The following NSMCE1 variants were observed in gnomAD, a reference collection of about 807,000 sequenced individuals.
NSMCE1 encodes non-structural maintenance of chromosomes element 1 homolog.
NSMCE1 carries 18 observed loss-of-function variants against 29.6 expected under a neutral mutation model. The ratio of observed to expected loss-of-function variants is 0.61; its 90% confidence interval spans 0.42 to 0.90. NSMCE1 has a LOEUF of 0.90. NSMCE1 is among the 40% of genes least tolerant of loss of function. The probability of loss-of-function intolerance (pLI) is 0.00; values close to 1 mark genes in which losing one functional copy is unlikely to be tolerated. For missense variants in NSMCE1, 314 were observed against 343.6 expected (o/e 0.91, Z 0.68); for synonymous variants, 124 against 133.4 (o/e 0.93, Z 0.49).
chr16:27,261,074 T>A (rs535325067), intron 1 of NSMCE1, among the ~76,000 whole-genome samples: 1 of 145,636 alleles, frequency 6.9e-6, no homozygotes, highest in Admixed American at 7.1e-5. Flanking sequence ...GGCTGAGGCA[T>A]GAGAATCGCT....
intron 2 of NSMCE1, among the ~76,000 whole-genome samples, chr16:27,236,427 G>A (rs572004373): frequency 2.6e-5 from 4 of 150,998 alleles, no homozygotes; most frequent in Admixed American, 1.3e-4. Context: ...CTCCCGAGGA[G>A]TTGAGATTAC....
chr16:27,245,084 AAAGG>A (rs1436675611), intron 2 of NSMCE1, among the ~76,000 whole-genome samples: 2 of 152,202 alleles, frequency 1.3e-5, no homozygotes, highest in African/African-American at 4.8e-5. Context: ...AAGGGGCAGA[AAAGG>A]AAGGAAGAGG....
rs927652578 is a variant in NSMCE1 at position 27,225,938 on chromosome 16, G to A, written c.601-92C>T. 7 of 1,470,836 alleles carry A rather than the reference G, an allele frequency of 4.8e-6. No homozygotes were observed. The South Asian group carries it at 8.2e-5, about 17-fold the overall frequency. 91.1% of individuals were successfully genotyped at this position (1,470,836 alleles called of 1,614,324 possible). ...AAGCCACAAGGGAAATGGGCAGCAG[G>A]TGGCATCGTGTTATCTTCTGGGCCC... On this transcript the variant is annotated intron_variant, in intron 6 of 7. Transcript: ENST00000361439.
At chr16:27,229,398 G>A (rs976816831) in intron 5 of NSMCE1, among the ~76,000 whole-genome samples, 7 of 152,160 alleles carry the variant, frequency 4.6e-5, no homozygotes, top group Non-Finnish European at 8.8e-5. Context: ...CCATGGGAGC[G>A]GCCACCAGCT....
intron 2 of NSMCE1, among the ~76,000 whole-genome samples, chr16:27,236,172 G>A (rs1420759493): frequency 1.3e-5 from 2 of 152,222 alleles, no homozygotes; most frequent in Admixed American, 6.5e-5. Flanking sequence ...AGGCTGCGGT[G>A]AGGACAGGAG....
intron 2 of NSMCE1, among the ~76,000 whole-genome samples, chr16:27,251,208 A>AT (rs397971855): frequency 6.2e-5 from 7 of 113,658 alleles, no homozygotes; most frequent in East Asian, 2.4e-4. Context: ...ATATATATAT[A>AT]AAACTCTGTA....
intron 5 of NSMCE1, among the ~76,000 whole-genome samples, chr16:27,228,438 C>T (rs990305923): frequency 6.6e-6 from 1 of 152,026 alleles, no homozygotes; most frequent in African/African-American, 2.4e-5. Flanking sequence ...GTTACCTTCC[C>T]CCAAAGCTCC....
At position 27,235,261 on chromosome 16, in the gene NSMCE1, T is replaced by C. The variant is rs755681589; in HGVS notation, c.175A>G (p.Asn59Asp). The change falls in exon 3 of 8, where the codon AAC (asparagine) becomes GAC (aspartate). Residue 59 changes from asparagine (N) to aspartate (D), a missense_variant. Transcript: ENST00000361439. ...TVDKLEDFIN[N>D]INSVLESLYI... ...AAGGACTCCAAGACACTGTTAATGT[T>C]GTTGATGAAGTCCTCCAACTTATCT... 1 of 1,613,690 alleles carries C rather than the reference T, an allele frequency of 6.2e-7. No individual in the cohort carries two copies. The highest frequency in any genetic ancestry group is 2.2e-5 in the East Asian group (1 of 44,870).
In NSMCE1 at chr16:27,245,670, C is replaced by T. The variant is rs373282429; in HGVS notation, c.137-10371G>A. Among the ~76,000 whole-genome samples the T allele has an allele frequency of 2.6e-5, 4 of 152,290 alleles. No individual in the cohort carries two copies. The South Asian group carries it at 6.2e-4, about 24-fold the overall frequency. On this transcript the variant is annotated intron_variant, in intron 2 of 7. Transcript: ENST00000361439. ...TCCTGTCTAAGCACTTAATAACTGCCGGCTGTCAATTCTGTATGTTGAGAA... is the reference window on the plus strand; with the variant it reads ...TCCTGTCTAAGCACTTAATAACTGCTGGCTGTCAATTCTGTATGTTGAGAA...
Position 27,235,224 on chromosome 16 carries a change from A to T in NSMCE1, c.212T>A (p.Ile71Lys). 1 of 1,613,780 alleles carries T rather than the reference A, an allele frequency of 6.2e-7. No individual in the cohort carries two copies. Among genetic ancestry groups the T allele is most frequent in the Non-Finnish European group, 8.5e-7 (1 of 1,179,826 alleles). ...ATCATCTTCCGTGACTCCTCTCTTT[A>T]TCTCAATATACAAGGACTCCAAGAC... Reference protein sequence around the residue: ...NSVLESLYIEIKRGVTEDDGR... With the variant: ...NSVLESLYIEKKRGVTEDDGR... Residue 71 changes from isoleucine (I) to lysine (K), a missense_variant, in exon 3 of 8, where the codon ATA (isoleucine) becomes AAA (lysine). Ile to Lys is a moderately radical substitution (Grantham distance 102). Coordinates refer to ENST00000361439, the MANE Select transcript of NSMCE1 (RefSeq NM_145080.4).
intron 2 of NSMCE1, among the ~76,000 whole-genome samples, chr16:27,251,552 A>T (rs1460579329): frequency 3.3e-5 from 5 of 152,168 alleles, no homozygotes; most frequent in Admixed American, 3.3e-4. Context: ...GTCTACGCTC[A>T]TGAGGAGTCT....
At chr16:27,245,850 A>C (rs907819334) in intron 2 of NSMCE1, among the ~76,000 whole-genome samples, 10 of 152,200 alleles carry the variant, frequency 6.6e-5, no homozygotes, top group African/African-American at 2.4e-4. Context: ...CAAAGGGGAG[A>C]TCTATAAATG....
At chr16:27,233,217 A>C in intron 4 of NSMCE1, 70 bp from the exon 5 acceptor site, 1 of 1,413,462 alleles carries the variant, frequency 7.1e-7, no homozygotes, top group Non-Finnish European at 9.8e-7. Context: ...GGTAATACCA[A>C]GTCTGGCAGA....
intron 1 of NSMCE1, among the ~76,000 whole-genome samples, chr16:27,265,031 G>A (rs1162310666): frequency 1.3e-5 from 2 of 152,000 alleles, no homozygotes; most frequent in Admixed American, 1.3e-4. Context: ...CAATCTCAAT[G>A]TTATCAGACA....
chr16:27,268,125 C>T (rs1178084272), intron 1 of NSMCE1: 1 of 152,222 alleles, frequency 6.6e-6, no homozygotes, highest in Non-Finnish European at 1.5e-5. Flanking sequence ...CCAGCCCCCT[C>T]TGAGGGTGAA....
At chr16:27,233,892 G>A (rs913047305) in intron 4 of NSMCE1, 3 of 352,196 alleles carry the variant, frequency 8.5e-6, no homozygotes, top group Middle Eastern at 7.5e-4. Flanking sequence ...ATGGCACTTG[G>A]AGCAGCCAGG....
chr16:27,242,114 G>A (rs1221492358), intron 2 of NSMCE1, among the ~76,000 whole-genome samples: 2 of 152,100 alleles, frequency 1.3e-5, no homozygotes, highest in Non-Finnish European at 2.9e-5. Flanking sequence ...TGGCACACAG[G>A]GCTTCACTGT....
chr16:27,266,305 T>G (rs1239018734), intron 1 of NSMCE1: 1 of 152,114 alleles, frequency 6.6e-6, no homozygotes, highest in Admixed American at 6.5e-5. Flanking sequence ...ATGCTATAAT[T>G]TGGTGGAAAA....
chr16:27,241,057 G>A (rs1172400851), intron 2 of NSMCE1, among the ~76,000 whole-genome samples: 2 of 152,178 alleles, frequency 1.3e-5, no homozygotes, highest in Non-Finnish European at 2.9e-5. Context: ...CTGGGTGACA[G>A]AGCTAGGCCA....
Sources: allele counts gnomAD v4.1 joint callset (sites outside exome capture counted in the v4.1 genomes callset), GRCh38; gene constraint gnomAD v4.1.1; transcripts MANE v1.5; gene names NCBI Gene and HGNC (gene_info 2026-07-23, HGNC 2026-07-21).